The following RNF170 variants were observed in gnomAD, a reference collection of about 807,000 sequenced individuals.
RNF170 encodes the protein ring finger protein 170, also known as E3 ubiquitin-protein ligase RNF170.
A neutral mutation model predicts 32.7 loss-of-function variants in RNF170; 12 were observed. The observed-to-expected ratio is 0.37, with a 90% CI of 0.24 to 0.60. The LOEUF (loss-of-function observed/expected upper bound fraction) is 0.60. Among genes scored for constraint, RNF170 ranks in the 20% least tolerant of loss-of-function variants. RNF170 has a pLI of 0.72. For synonymous variants in RNF170, 91 were observed against 103.6 expected (o/e 0.88, Z 0.74); for missense variants, 212 against 311.2 (o/e 0.68, Z 2.40).
chr8:42,868,548 C>T (rs994538224), intron 4 of RNF170, among the ~76,000 whole-genome samples: 1 of 152,112 alleles, frequency 6.6e-6, no homozygotes. Flanking sequence ...AGATAAACCT[C>T]GGTTTAAAAA....
At position 42,855,831 on chromosome 8, in the gene RNF170, CATCTAATTA is replaced by C; in HGVS notation, c.*319_*327del. The stretch of plus-strand genomic sequence containing the variant: ...TGACATTTAACAATATTTTACTATA[CATCTAATTA>C]ATCTAAGTAATTCTGGGGAAAAGAA... On this transcript the variant is annotated 3_prime_UTR_variant, in exon 7 of 7. Coordinates refer to ENST00000527424, the MANE Select transcript of RNF170 (RefSeq NM_030954.4). 8.2e-7 allele frequency: 1 copy of C among 1,214,788 alleles called. No homozygotes were observed. The highest frequency in any genetic ancestry group is 1.3e-5 in the South Asian group (1 of 75,156). 75.3% of individuals were successfully genotyped at this position (1,214,788 alleles called of 1,614,324 possible). A position where few individuals can be genotyped will look rare whatever the true frequency, so the allele number is the denominator to read the frequency against.
intron 2 of RNF170, among the ~76,000 whole-genome samples, chr8:42,874,675 G>A (rs962196646): frequency 6.6e-6 from 1 of 152,020 alleles, no homozygotes; most frequent in Non-Finnish European, 1.5e-5. Context: ...CCGGGAAGCA[G>A]AGGTTGTAGT....
chr8:42,854,164 A>G lies in RNF170; in HGVS notation c.*1995T>C. 7 of 1,286,816 alleles carry G rather than the reference A, an allele frequency of 5.4e-6. No individual in the cohort carries two copies. Among genetic ancestry groups the G allele is most frequent in the Non-Finnish European group, 7.1e-6 (7 of 988,586 alleles). The allele number at this position is 1,286,816 out of a possible 1,614,324, so 79.7% of individuals were successfully genotyped here. A position where few individuals can be genotyped will look rare whatever the true frequency, so the allele number is the denominator to read the frequency against. Reference sequence around the variant, plus strand: ...TTTGATTTGGAAGTGTAGAATTCGGATTCATGTCATCTCCACAGACCTTTC... The same window carrying G: ...TTTGATTTGGAAGTGTAGAATTCGGGTTCATGTCATCTCCACAGACCTTTC... On this transcript the variant is annotated 3_prime_UTR_variant, in exon 7 of 7. Coordinates refer to ENST00000527424, the MANE Select transcript of RNF170 (RefSeq NM_030954.4).
chr8:42,893,553 T>C lies in RNF170; in HGVS notation c.-8+2931A>G, dbSNP rs181865307. Among the ~76,000 whole-genome samples the C allele has an allele frequency of 1.5e-3, 230 of 152,336 alleles. 1 individual carries two copies. Among genetic ancestry groups the C allele is most frequent in the African/African-American group, 4.8e-3 (201 of 41,574 alleles). ...ACCATATCAAACTGCCACTCTTTTT[T>C]GGGGCGGGTGTGGCAGGGGAAGTGC... On this transcript the variant is annotated intron_variant, in intron 1 of 6. Coordinates refer to ENST00000527424, the MANE Select transcript of RNF170 (RefSeq NM_030954.4).
At chr8:42,857,219 A>C (rs1314176732) in intron 6 of RNF170, among the ~76,000 whole-genome samples, 2 of 152,220 alleles carry the variant, frequency 1.3e-5, no homozygotes, top group African/African-American at 4.8e-5. Context: ...GGAGACAAAA[A>C]CGCAAAGAAC....
chr8:42,857,534 T>C (rs1176046179), intron 6 of RNF170, among the ~76,000 whole-genome samples: 1 of 152,216 alleles, frequency 6.6e-6, no homozygotes, highest in Non-Finnish European at 1.5e-5. Context: ...TCTTTAATAA[T>C]TAGACCAGAA....
intron 1 of RNF170, among the ~76,000 whole-genome samples, chr8:42,890,204 C>T (rs918387162): frequency 1.7e-4 from 26 of 149,118 alleles, no homozygotes; most frequent in African/African-American, 6.1e-4. Flanking sequence ...TTATACTGTA[C>T]AACATATATA....
At chr8:42,891,969 T>G (rs1327358670) in intron 1 of RNF170, among the ~76,000 whole-genome samples, 1 of 152,140 alleles carries the variant, frequency 6.6e-6, no homozygotes, top group Non-Finnish European at 1.5e-5. Context: ...AGCCAATACT[T>G]GCTTCCTCTC....
Position 42,887,757 on chromosome 8 carries a change from C to T in RNF170, c.108G>A (p.Leu36=), listed in dbSNP as rs750379459. ...AAAGTGCATATACCAGGGTAGCAATCAAAGCGAAACTGACCACAACTGCCA... is the reference window on the plus strand; with the variant it reads ...AAAGTGCATATACCAGGGTAGCAATTAAAGCGAAACTGACCACAACTGCCA... ...VLVAVVVSFA[L]IATLVYALFR... Residue 36 remains leucine (L), a synonymous_variant, in exon 2 of 7, where the codon TTG becomes TTA. Transcript: ENST00000527424. 10 of 1,614,024 alleles carry T rather than the reference C, an allele frequency of 6.2e-6. No individual in the cohort carries two copies. The East Asian group carries it at 2.0e-4, about 32-fold the overall frequency.
intron 2 of RNF170, among the ~76,000 whole-genome samples, chr8:42,879,192 G>A (rs1308417854): frequency 6.6e-6 from 1 of 152,062 alleles, no homozygotes; most frequent in Non-Finnish European, 1.5e-5. Context: ...TCTTAACACA[G>A]CATCCATTCC....
upstream of RNF170, chr8:42,897,116 G>A: frequency 1.6e-6 from 2 of 1,243,170 alleles, no homozygotes; most frequent in Non-Finnish European, 2.0e-6. Context: ...GGCGCTGCCT[G>A]GCCGCGGCGG....
chr8:42,896,692 G>C (rs1234066220), upstream of RNF170: 1 of 405,002 alleles, frequency 2.5e-6, no homozygotes, highest in African/African-American at 2.2e-5. Context: ...CTCCAGGGCG[G>C]AGCGCGTGCT....
Position 42,854,736 on chromosome 8 carries a change from C to T in RNF170, c.*1423G>A, listed in dbSNP as rs1803114082. 2 of 1,287,480 alleles carry T rather than the reference C, an allele frequency of 1.6e-6. No individual in the cohort carries two copies. Among genetic ancestry groups the T allele is most frequent in the South Asian group, 1.2e-5 (1 of 80,936 alleles). The allele number at this position is 1,287,480 out of a possible 1,614,324, so 79.8% of individuals were successfully genotyped here. A position where few individuals can be genotyped will look rare whatever the true frequency, so the allele number is the denominator to read the frequency against. ...TATTAATAGCAGTGATCTCAGATGA[C>T]AATGCTAACACTGACTCCTGGGCAT... On this transcript the variant is annotated 3_prime_UTR_variant, in exon 7 of 7. Coordinates refer to ENST00000527424, the MANE Select transcript of RNF170 (RefSeq NM_030954.4).
At chr8:42,858,357 G>A (rs549711960) in intron 6 of RNF170, among the ~76,000 whole-genome samples, 42 of 152,282 alleles carry the variant, frequency 2.8e-4, no homozygotes, top group Admixed American at 2.5e-3. Flanking sequence ...ATGAGCACAT[G>A]TCTGTTTAAC....
rs1232628376 is a variant in RNF170, at chr8:42,896,509, G to C, written c.-33C>G. 8.8e-6 allele frequency: 4 copies of C among 453,812 alleles called. No homozygotes were observed. The Admixed American group carries it at 9.4e-5, about 11-fold the overall frequency. 28.1% of individuals were successfully genotyped at this position (453,812 alleles called of 1,614,324 possible). On this transcript the variant is annotated 5_prime_UTR_variant, in exon 1 of 7. Transcript: ENST00000527424. ...CTCTCCACCGCGAAGGAACTACCTCGCCAGTTCCCGGCGACAGAGGACAGA... is the reference window on the plus strand; with the variant it reads ...CTCTCCACCGCGAAGGAACTACCTCCCCAGTTCCCGGCGACAGAGGACAGA...
chr8:42,854,100 T>C lies in RNF170; in HGVS notation c.*2059A>G, dbSNP rs1803061133. The stretch of plus-strand genomic sequence containing the variant: ...CGCTTTTCAAGTTGGTGACTGCAGC[T>C]GAAATGTTTTTCTGTGATGTATGCC... On this transcript the variant is annotated 3_prime_UTR_variant, in exon 7 of 7. Transcript: ENST00000527424. 7.8e-7 allele frequency: 1 copy of C among 1,287,260 alleles called. No homozygotes were observed. The highest frequency in any genetic ancestry group is 1.0e-6 in the Non-Finnish European group (1 of 988,692). The allele number at this position is 1,287,260 out of a possible 1,614,324, so 79.7% of individuals were successfully genotyped here. A position where few individuals can be genotyped will look rare whatever the true frequency, so the allele number is the denominator to read the frequency against.
At chr8:42,879,555 G>A (rs1235836734) in intron 2 of RNF170, among the ~76,000 whole-genome samples, 1 of 152,150 alleles carries the variant, frequency 6.6e-6, no homozygotes, top group African/African-American at 2.4e-5. Flanking sequence ...GGAGGCTGAG[G>A]CAGGAGAACA....
chr8:42,852,009 T>C (rs1802954101), downstream of RNF170, among the ~76,000 whole-genome samples: 1 of 152,190 alleles, frequency 6.6e-6, no homozygotes, highest in African/African-American at 2.4e-5. Context: ...AGAAGGGAGC[T>C]ATTTCTGCCA....
At chr8:42,856,819 C>A in intron 6 of RNF170, among the ~76,000 whole-genome samples, 1 of 152,176 alleles carries the variant, frequency 6.6e-6, no homozygotes, top group Non-Finnish European at 1.5e-5. Context: ...AAATCAATCA[C>A]TTACTAGCCA....
Sources: gnomAD v4.1 joint callset for allele counts (sites outside exome capture counted in the v4.1 genomes callset) on GRCh38, gnomAD v4.1.1 for gene constraint, MANE v1.5 for transcripts, NCBI Gene and HGNC (gene_info 2026-07-23, HGNC 2026-07-21) for gene names.